The following INTS6 variants were observed in gnomAD, a reference collection of about 807,000 sequenced individuals.
INTS6 encodes the protein DEAD box protein.
In INTS6, 16 loss-of-function variants were observed where a neutral mutation model predicts 104.9. The ratio of observed to expected loss-of-function variants is 0.15; its 90% CI spans 0.10 to 0.23. The LOEUF (loss-of-function observed/expected upper bound fraction) is 0.23. INTS6 is among the 10% of genes least tolerant of loss of function. The pLI is 1.00. For synonymous variants in INTS6, 324 were observed against 358.7 expected (o/e 0.90, Z 1.09); for missense variants, 584 against 1,062.8 (o/e 0.55, Z 6.26).
At chr13:51,377,674 G>C (rs1276456714) in intron 12 of INTS6, among the ~76,000 whole-genome samples, 1 of 152,088 alleles carries the variant, frequency 6.6e-6, no homozygotes, top group East Asian at 1.9e-4. Context: ...AATCTCCTAT[G>C]TTTATCCTTA....
intron 10 of INTS6, among the ~76,000 whole-genome samples, chr13:51,381,027 G>A (rs1956039240): frequency 6.6e-6 from 1 of 152,086 alleles, no homozygotes; most frequent in Non-Finnish European, 1.5e-5. Context: ...ATGGATCGTT[G>A]CATCTGTACT....
intron 4 of INTS6, among the ~76,000 whole-genome samples, chr13:51,429,367 A>G (rs927558193): frequency 9.9e-5 from 15 of 152,202 alleles, no homozygotes; most frequent in African/African-American, 3.6e-4. Context: ...CAAATACCAT[A>G]GTAAAAACAC....
chr13:51,402,186 AC>A lies in INTS6; in HGVS notation c.430-6704del, dbSNP rs548729248. Among the ~76,000 whole-genome samples the A allele has an allele frequency of 5.7e-3, 870 of 152,284 alleles. 12 individuals carry two copies. Among genetic ancestry groups the A allele is most frequent in the African/African-American group, 0.02 (820 of 41,570 alleles). On this transcript the variant is annotated intron_variant, in intron 4 of 17. Coordinates refer to ENST00000311234, the MANE Select transcript of INTS6 (RefSeq NM_012141.3). ...CAACAATAGCTAGCATATTCTGAACACTTACTGTGTGCCAAGCACCATTCCA... is the reference window on the plus strand; with the variant it reads ...CAACAATAGCTAGCATATTCTGAACATTACTGTGTGCCAAGCACCATTCCA...
chr13:51,362,063 C>T lies in INTS6; in HGVS notation c.*3689G>A, dbSNP rs1217701060. 1.2e-5 allele frequency: 19 copies of T among 1,570,492 alleles called. No homozygotes were observed. Among genetic ancestry groups the T allele is most frequent in the African/African-American group, 4.2e-5 (3 of 72,098 alleles). Reference sequence around the variant, plus strand: ...TCTATCCTAAGAAAGGGGACTATTTCGTAAGTACAAAGGAAACTTATCCTC... The same window carrying T: ...TCTATCCTAAGAAAGGGGACTATTTTGTAAGTACAAAGGAAACTTATCCTC... On this transcript the variant is annotated 3_prime_UTR_variant, in exon 18 of 18. Transcript: ENST00000311234.
chr13:51,450,750 C>T (rs897363726), intron 3 of INTS6: 12 of 1,060,466 alleles, frequency 1.1e-5, no homozygotes, highest in Non-Finnish European at 1.4e-5. Context: ...TAGGTCTTTA[C>T]TGAACTTTCA....
At chr13:51,451,899 T>C in intron 2 of INTS6, 79 bp downstream of exon 2, 1 of 761,808 alleles carries the variant, frequency 1.3e-6, no homozygotes, top group Non-Finnish European at 1.9e-6. Context: ...TAATGAAGGG[T>C]GAATGGGGGG....
the INTS6 span, chr13:51,341,031 A>G: frequency 6.8e-5 from 108 of 1,577,850 alleles, no homozygotes; most frequent in Non-Finnish European, 8.4e-5. Flanking sequence ...CTCTTTCATC[A>G]CCAGCTTCCA....
chr13:51,435,370 G>A (rs926243658), intron 3 of INTS6, among the ~76,000 whole-genome samples: 5 of 151,796 alleles, frequency 3.3e-5, no homozygotes, highest in African/African-American at 1.2e-4. Flanking sequence ...TTTAATTTTG[G>A]TCAAAAACCT....
Position 51,374,456 on chromosome 13 carries a change from T to C in INTS6, c.1873-17A>G. 3 of 1,581,126 alleles carry C rather than the reference T, an allele frequency of 1.9e-6. No individual in the cohort carries two copies. The highest frequency in any genetic ancestry group is 1.1e-5 in the South Asian group (1 of 90,504). ...CATCATACCCTTTAGCAAAAAAGAA[T>C]ACAACTTTCTTGAATTTACAAACAA... On this transcript the variant is annotated splice_polypyrimidine_tract_variant and intron_variant, in intron 14 of 17. Transcript: ENST00000311234.
intron 3 of INTS6, chr13:51,446,119 A>G (rs886328170): frequency 6.6e-6 from 1 of 152,214 alleles, no homozygotes; most frequent in Non-Finnish European, 1.5e-5. Flanking sequence ...GAAACAACAG[A>G]GTATAAAAGC....
chr13:51,339,026 C>G, the INTS6 span, among the ~76,000 whole-genome samples: 2 of 152,220 alleles, frequency 1.3e-5, no homozygotes, highest in Non-Finnish European at 2.9e-5. Flanking sequence ...AGAACCTGCT[C>G]ATATTTTTCA....
At position 51,395,366 on chromosome 13, in the gene INTS6, A is replaced by T. The variant is rs1956316457; in HGVS notation, c.547T>A (p.Ser183Thr). The change falls in exon 5 of 18, where the codon TCA (serine) becomes ACA (threonine). Residue 183 changes from serine to threonine, a missense_variant. Ser to Thr is a moderately conservative substitution (Grantham distance 58). This residue lies in a region of INTS6 where 144 missense variants were observed against 348.7 expected (regional missense o/e 0.41). Transcript: ENST00000311234. The stretch of plus-strand genomic sequence containing the variant: ...AAAGGCACACCTGTCAACTGTTCTG[A>T]TTCTACTGACATGGTGCCAGGCAAC... ...LRLPGTMSVESEQLTGVPLDD... is the reference protein window; with the variant it reads ...LRLPGTMSVETEQLTGVPLDD... The T allele has an allele frequency of 6.2e-7, 1 of 1,613,906 alleles. No homozygotes were observed. The highest frequency in any genetic ancestry group is 1.3e-5 in the African/African-American group (1 of 74,912).
At chr13:51,350,669 C>G (rs1036135365), downstream of INTS6, among the ~76,000 whole-genome samples, 22 of 151,986 alleles carry the variant, frequency 1.4e-4, no homozygotes, top group African/African-American at 5.1e-4. Flanking sequence ...TAAAATTCAC[C>G]ATTTTAAAGT....
Position 51,374,198 on chromosome 13 carries a change from C to A in INTS6, c.2104+10G>T, listed in dbSNP as rs1335637503. 2 of 1,596,236 alleles carry A rather than the reference C, an allele frequency of 1.3e-6. No homozygotes were observed. The highest frequency in any genetic ancestry group is 1.7e-6 in the Non-Finnish European group (2 of 1,165,536). ...CAGCAAATAATGTTTAAGAAAAAAA[C>A]AATTCTTACTTTTATGAAGAGGAAG... is the stretch of plus-strand genomic sequence containing the variant. On this transcript the variant is annotated intron_variant, in intron 15 of 17. Transcript: ENST00000311234.
rs1241303476 is a variant in INTS6, at chr13:51,452,734, AC to A, written c.-210del. On this transcript the variant is annotated 5_prime_UTR_variant, in exon 1 of 18. Coordinates refer to ENST00000311234, the MANE Select transcript of INTS6 (RefSeq NM_012141.3). This position sits in a 1 kb window ranked among gnomAD's most constrained non-coding sequence, Gnocchi z 4.2. ...CCCCAGACCCAGTGCTCCCCGTCGT[AC>A]CCCCGCCTCCGCCTCCTCCTGCCTG... 9 of 1,238,450 alleles carry A rather than the reference AC, an allele frequency of 7.3e-6. No individual in the cohort carries two copies. In the South Asian group the frequency reaches 1.3e-4, roughly 18 times the overall value. 76.7% of individuals were successfully genotyped at this position (1,238,450 alleles called of 1,614,324 possible). A position where few individuals can be genotyped will look rare whatever the true frequency, so the allele number is the denominator to read the frequency against.
intron 4 of INTS6, among the ~76,000 whole-genome samples, chr13:51,423,871 G>A (rs1956940256): frequency 6.6e-6 from 1 of 152,008 alleles, no homozygotes; most frequent in African/African-American, 2.4e-5. Flanking sequence ...GTTAGATTGT[G>A]TTCTAAAACT....
chr13:51,366,215 C>T (rs1468797226), intron 17 of INTS6, among the ~76,000 whole-genome samples: 1 of 151,998 alleles, frequency 6.6e-6, no homozygotes, highest in African/African-American at 2.4e-5. Context: ...TCAATAGCTT[C>T]TTCTCATGCT....
intron 4 of INTS6, among the ~76,000 whole-genome samples, chr13:51,428,359 C>G (rs1458812162): frequency 3.6e-5 from 5 of 139,040 alleles, no homozygotes; most frequent in African/African-American, 1.3e-4. Context: ...GAGTCTTGCT[C>G]TGTTGCCCAG....
At chr13:51,339,040 A>G in the INTS6 span, among the ~76,000 whole-genome samples, 1 of 152,370 alleles carries the variant, frequency 6.6e-6, no homozygotes, top group South Asian at 2.1e-4. Context: ...TTTTTCAAAA[A>G]TATGTGTCTA....
Sources: allele counts gnomAD v4.1 joint callset (sites outside exome capture counted in the v4.1 genomes callset), GRCh38; gene constraint gnomAD v4.1.1; regional missense constraint gnomAD v4.1.1; non-coding constraint Gnocchi (gnomAD v3.1); transcripts MANE v1.5; gene names NCBI Gene and HGNC (gene_info 2026-07-23, HGNC 2026-07-21).